Variants in ZFHX3 observed in about 807,000 individuals in gnomAD.
ZFHX3 encodes the protein zinc finger homeobox protein 3.
A neutral mutation model predicts 279.1 loss-of-function variants in ZFHX3; 42 were observed. That is an observed-to-expected ratio of 0.15 (90% CI 0.12 to 0.19). The LOEUF is 0.19. Ranked by LOEUF, ZFHX3 falls within the 10% of genes least tolerant of loss-of-function variation. ZFHX3 has a pLI of 1.00. For missense variants in ZFHX3, 4,981 were observed against 4,754.0 expected, an observed-to-expected ratio of 1.05 and a Z score of -1.40; for synonymous variants, 2,293 against 1,957.8, an observed-to-expected ratio of 1.17 and a Z score of -4.52.
chr16:73,779,411 T>A (rs945734081), intron 1 of ZFHX3, among the ~76,000 whole-genome samples: 4 of 117,260 alleles, frequency 3.4e-5, no homozygotes, highest in South Asian at 3.4e-4. Flanking sequence ...GAGGAGGAGG[T>A]GGTGGTGTTT....
At chr16:72,802,336 A>G (rs1335793493) in intron 7 of ZFHX3, among the ~76,000 whole-genome samples, 1 of 152,080 alleles carries the variant, frequency 6.6e-6, no homozygotes, top group African/African-American at 2.4e-5. Flanking sequence ...CTTTAATCAT[A>G]ATTCCTGATT....
At chr16:73,770,662 C>T (rs901498698) in intron 1 of ZFHX3, among the ~76,000 whole-genome samples, 7 of 152,132 alleles carry the variant, frequency 4.6e-5, no homozygotes, top group African/African-American at 1.7e-4. Context: ...AGACATTTTC[C>T]AAGGATGAGG....
At chr16:73,820,460 G>T (rs78584771) in intron 1 of ZFHX3, among the ~76,000 whole-genome samples, 1 of 152,028 alleles carries the variant, frequency 6.6e-6, no homozygotes, top group Non-Finnish European at 1.5e-5. Context: ...GAACCCAGCT[G>T]CCATACCATG....
intron 3 of ZFHX3, among the ~76,000 whole-genome samples, chr16:73,353,421 C>G (rs1173831314): frequency 2.0e-5 from 3 of 152,228 alleles, no homozygotes; most frequent in Non-Finnish European, 4.4e-5. Flanking sequence ...CACACTGGAT[C>G]ATTTCTGAAG....
rs1442145530 is a variant in ZFHX3, at chr16:72,798,006, A to G, written c.4676T>C (p.Ile1559Thr). Residue 1559 changes from isoleucine (I) to threonine (T), a missense_variant, in exon 9 of 10, where the codon ATC (isoleucine) becomes ACC (threonine). By Grantham distance (89) the Ile-to-Thr change is moderately conservative. Around this residue, in one of 7 missense-constraint regions of ZFHX3, gnomAD observed 1,751 missense variants for 1,770.0 expected, o/e 0.99. Coordinates refer to ENST00000268489, the MANE Select transcript of ZFHX3 (RefSeq NM_006885.4). ...GACAGAATTGTAGTGTACTAGCAGGATATTCTTTTGAGTGAAAGATTCCTT... is the reference window on the plus strand; with the variant it reads ...GACAGAATTGTAGTGTACTAGCAGGGTATTCTTTTGAGTGAAAGATTCCTT... ...VCKESFTQKNILLVHYNSVSH... is the reference protein window; with the variant it reads ...VCKESFTQKNTLLVHYNSVSH... 6.2e-7 allele frequency: 1 copy of G among 1,614,176 alleles called. No individual in the cohort carries two copies. Among genetic ancestry groups the G allele is most frequent in the South Asian group, 1.1e-5 (1 of 91,078 alleles).
intron 2 of ZFHX3, among the ~76,000 whole-genome samples, chr16:73,456,444 G>A (rs557307418): frequency 5.3e-5 from 8 of 152,090 alleles, no homozygotes; most frequent in East Asian, 1.9e-4. Context: ...GCAAAAAGAC[G>A]AAGTATCACA....
At chr16:73,676,105 T>A (rs1378435076) in intron 2 of ZFHX3, among the ~76,000 whole-genome samples, 1 of 152,042 alleles carries the variant, frequency 6.6e-6, no homozygotes, top group South Asian at 2.1e-4. Flanking sequence ...GGAAAAAGTA[T>A]AAGAATCATA....
chr16:73,221,357 T>C (rs1273037048), intron 5 of ZFHX3, among the ~76,000 whole-genome samples: 1 of 152,198 alleles, frequency 6.6e-6, no homozygotes, highest in African/African-American at 2.4e-5. Context: ...AATATAAAGA[T>C]ATATTTTATT....
rs186951651 is a variant in ZFHX3, at chr16:73,557,587, A to G, written c.-1546-101329T>C. ...AGACCATATAGGGTAACTTCCTGAC[A>G]TTGTCATGGCATTTGTAAACTGTCA... On this transcript the variant is annotated intron_variant, in intron 2 of 17. Transcript: ENST00000641206. 2.1e-3 allele frequency among the ~76,000 whole-genome samples: 315 copies of G among 152,206 alleles called. 3 individuals carry two copies. The highest frequency in any genetic ancestry group is 2.0e-3 in the Non-Finnish European group (135 of 68,012).
intron 2 of ZFHX3, among the ~76,000 whole-genome samples, chr16:73,497,026 G>A (rs1006869263): frequency 5.3e-5 from 8 of 152,138 alleles, no homozygotes; most frequent in Non-Finnish European, 1.2e-4. Flanking sequence ...GCTTCCTGCT[G>A]TTACTAGTCT....
intron 3 of ZFHX3, among the ~76,000 whole-genome samples, chr16:73,365,321 C>A (rs779867456): frequency 1.3e-5 from 2 of 152,148 alleles, no homozygotes; most frequent in African/African-American, 4.8e-5. Context: ...GAGCTGGTGC[C>A]CACACCTCTG....
intron 1 of ZFHX3, among the ~76,000 whole-genome samples, chr16:73,875,039 T>A (rs1478098856): frequency 6.6e-6 from 1 of 152,174 alleles, no homozygotes; most frequent in Non-Finnish European, 1.5e-5. Flanking sequence ...AAAGAACTTT[T>A]CCCGGGTATA....
intron 3 of ZFHX3, among the ~76,000 whole-genome samples, chr16:73,427,661 C>G (rs150845736): frequency 2.0e-5 from 3 of 152,136 alleles, no homozygotes; most frequent in African/African-American, 7.2e-5. Flanking sequence ...CTTGGCTGGA[C>G]AAAGTGACTC....
At chr16:73,368,389 C>T (rs4888149) in intron 3 of ZFHX3, among the ~76,000 whole-genome samples, 132,467 of 152,226 alleles carry the variant, frequency 0.87, 58,105 homozygotes, top group Non-Finnish European at 0.91. Context: ...TGGTCTTTTC[C>T]TGTGCTTCCA....
chr16:73,217,182 G>A (rs960863216), intron 5 of ZFHX3, among the ~76,000 whole-genome samples: 3 of 152,158 alleles, frequency 2.0e-5, no homozygotes, highest in Non-Finnish European at 2.9e-5. Flanking sequence ...CAGATGGGTC[G>A]ATGTTATCGA....
intron 7 of ZFHX3, among the ~76,000 whole-genome samples, chr16:73,109,835 C>T (rs7206167): frequency 0.35 from 51,609 of 149,558 alleles, 9,052 homozygotes; most frequent in Admixed American, 0.47. Flanking sequence ...GGCAACAGAG[C>T]GAGACTTGGT....
chr16:73,280,392 T>A (rs2014426509), intron 4 of ZFHX3, among the ~76,000 whole-genome samples: 1 of 152,066 alleles, frequency 6.6e-6, no homozygotes, highest in Admixed American at 6.6e-5. Flanking sequence ...TAAAAACTCA[T>A]ACAACTGAAT....
chr16:73,014,729 G>A (rs1476288394), intron 1 of ZFHX3, among the ~76,000 whole-genome samples: 1 of 151,700 alleles, frequency 6.6e-6, no homozygotes, highest in Non-Finnish European at 1.5e-5. Flanking sequence ...GTTTCACCAT[G>A]TCTTGATCTC....
At chr16:73,797,702 T>C (rs1259784331) in intron 1 of ZFHX3, among the ~76,000 whole-genome samples, 1 of 152,160 alleles carries the variant, frequency 6.6e-6, no homozygotes, top group Non-Finnish European at 1.5e-5. Flanking sequence ...GCTTGCACTC[T>C]ATTTCTGGCT....
Sources: gnomAD v4.1 joint callset for allele counts (sites outside exome capture counted in the v4.1 genomes callset) on GRCh38, gnomAD v4.1.1 for gene constraint, gnomAD v4.1.1 regional missense constraint, MANE v1.5 for transcripts, NCBI Gene and HGNC (gene_info 2026-07-23, HGNC 2026-07-21) for gene names.